Variants in HIVEP1 observed in about 807,000 individuals in gnomAD.
HIVEP1 encodes HIVEP zinc finger 1, also known as zinc finger protein 40.
Under a neutral mutation model 180.0 loss-of-function variants are expected in HIVEP1, and 36 were observed. The observed-to-expected ratio is 0.20, with a 90% CI of 0.15 to 0.26. The LOEUF is 0.26. Ranked by LOEUF, HIVEP1 falls within the 10% of genes least tolerant of loss-of-function variation. The probability of loss-of-function intolerance (pLI) is 1.00; values close to 1 mark genes in which losing one functional copy is unlikely to be tolerated. For missense variants in HIVEP1, 3,143 were observed against 3,268.7 expected, an observed-to-expected ratio of 0.96 and a Z score of 0.94; for synonymous variants, 1,239 against 1,239.0, an observed-to-expected ratio of 1.00 and a Z score of 0.00.
chr6:12,069,794 A>G (rs62395293), intron 2 of HIVEP1, among the ~76,000 whole-genome samples: 27,266 of 151,938 alleles, frequency 0.18, 2,782 homozygotes, highest in African/African-American at 0.28. Flanking sequence ...CTGTAACTTT[A>G]TAACCTTTTA....
At chr6:12,053,640 C>T (rs1770674915) in intron 2 of HIVEP1, among the ~76,000 whole-genome samples, 1 of 151,866 alleles carries the variant, frequency 6.6e-6, no homozygotes, top group African/African-American at 2.4e-5. Flanking sequence ...TTGACTGAAA[C>T]CAAAGTGGAG....
At chr6:12,042,237 G>A (rs556234795) in intron 2 of HIVEP1, among the ~76,000 whole-genome samples, 11 of 149,958 alleles carry the variant, frequency 7.3e-5, no homozygotes, top group Non-Finnish European at 1.5e-4. Flanking sequence ...CCGCCACCGC[G>A]CCTGGCTAAT....
the HIVEP1 span, among the ~76,000 whole-genome samples, chr6:12,196,653 C>T: frequency 2.6e-5 from 4 of 152,258 alleles, no homozygotes; most frequent in East Asian, 3.9e-4. Context: ...TCATCATTTG[C>T]GACCCCAGTT....
At chr6:12,112,569 G>T (rs374713928) in intron 3 of HIVEP1, among the ~76,000 whole-genome samples, 1 of 151,602 alleles carries the variant, frequency 6.6e-6, no homozygotes, top group Non-Finnish European at 1.5e-5. Flanking sequence ...TTTTCCTGCC[G>T]GTTCCTTGTG....
chr6:12,161,823 C>T lies in HIVEP1; in HGVS notation c.6872C>T (p.Ser2291Phe). ...AARDENDTIPSVDTSRSPCHQ... is the reference protein window; with the variant it reads ...AARDENDTIPFVDTSRSPCHQ... ...AGAGATGAAAACGACACAATTCCGTCTGTAGACACTTCCAGGTCCCCGTGT... is the reference window on the plus strand; with the variant it reads ...AGAGATGAAAACGACACAATTCCGTTTGTAGACACTTCCAGGTCCCCGTGT... The change falls in exon 8 of 9, where the codon TCT becomes TTT. Residue 2291 changes from serine (S) to phenylalanine (F), a missense_variant. Coordinates refer to ENST00000379388, the MANE Select transcript of HIVEP1 (RefSeq NM_002114.4). 1.2e-6 allele frequency: 2 copies of T among 1,614,184 alleles called. No individual in the cohort carries two copies. Among genetic ancestry groups the T allele is most frequent in the Non-Finnish European group, 1.7e-6 (2 of 1,180,024 alleles).
At chr6:12,096,573 T>C (rs1296337214) in intron 3 of HIVEP1, among the ~76,000 whole-genome samples, 1 of 151,748 alleles carries the variant, frequency 6.6e-6, no homozygotes, top group Non-Finnish European at 1.5e-5. Flanking sequence ...AATATAATAA[T>C]ATTTTTGAAG....
chr6:12,161,362 C>T (rs1000603044), intron 7 of HIVEP1, 77 bp from the exon 8 acceptor site: 11 of 1,381,746 alleles, frequency 8.0e-6, no homozygotes, highest in African/African-American at 4.3e-5. Context: ...AGTTGCCAAA[C>T]GTATAAAAAA....
At chr6:12,166,327 ATTTTC>A (rs1436907580), downstream of HIVEP1, among the ~76,000 whole-genome samples, 2 of 152,110 alleles carry the variant, frequency 1.3e-5, no homozygotes, top group South Asian at 2.1e-4. Context: ...TTTCTATAGA[ATTTTC>A]TTAATTTAAA....
upstream of HIVEP1, chr6:12,008,391 G>C (rs1228449042): frequency 2.6e-5 from 4 of 152,188 alleles, no homozygotes; most frequent in Non-Finnish European, 5.9e-5. Flanking sequence ...TTTGTGCTAC[G>C]GGTGGAGGGA....
At chr6:12,184,480 G>A in the HIVEP1 span, among the ~76,000 whole-genome samples, 1 of 152,122 alleles carries the variant, frequency 6.6e-6, no homozygotes, top group Admixed American at 6.5e-5. Flanking sequence ...ATTTTGATCT[G>A]TATTTATTGC....
upstream of HIVEP1, among the ~76,000 whole-genome samples, chr6:12,009,195 G>A (rs1312825477): frequency 1.4e-5 from 2 of 147,176 alleles, no homozygotes; most frequent in Non-Finnish European, 3.0e-5. Flanking sequence ...GGCCGCGCCA[G>A]GGGGGTGCCT....
chr6:12,143,826 C>G (rs530242839), intron 7 of HIVEP1, among the ~76,000 whole-genome samples: 1 of 152,138 alleles, frequency 6.6e-6, no homozygotes, highest in Non-Finnish European at 1.5e-5. Context: ...ATCCAACTTA[C>G]AAGGGATGTG....
At position 12,012,386 on chromosome 6, in the gene HIVEP1, G is replaced by C. The variant is rs1300998028; in HGVS notation, c.-284G>C. On this transcript the variant is annotated 5_prime_UTR_variant, in exon 1 of 9. Coordinates refer to ENST00000379388, the MANE Select transcript of HIVEP1 (RefSeq NM_002114.4). Reference sequence around the variant, plus strand: ...CGGACGGAGCGGGGGACCGGGGAGCGGCGGCCGCCGGAGGAGGTTATGTTT... The same window carrying C: ...CGGACGGAGCGGGGGACCGGGGAGCCGCGGCCGCCGGAGGAGGTTATGTTT... The C allele has an allele frequency of 6.7e-6, 1 of 149,600 alleles. No individual in the cohort carries two copies. The highest frequency in any genetic ancestry group is 2.4e-5 in the African/African-American group (1 of 41,118). 9.3% of individuals were successfully genotyped at this position (149,600 alleles called of 1,614,324 possible). A position where few individuals can be genotyped will look rare whatever the true frequency, so the allele number is the denominator to read the frequency against.
At chr6:12,165,090 C>T, downstream of HIVEP1, 1 of 506,832 alleles carries the variant, frequency 2.0e-6, no homozygotes, top group Non-Finnish European at 3.9e-6. Flanking sequence ...TTCCACATTC[C>T]CCTCAACCCT....
At chr6:12,206,129 G>C in the HIVEP1 span, among the ~76,000 whole-genome samples, 4 of 151,912 alleles carry the variant, frequency 2.6e-5, no homozygotes, top group African/African-American at 9.7e-5. Context: ...ATTTATTTTT[G>C]TTTTTGTTTT....
intron 2 of HIVEP1, among the ~76,000 whole-genome samples, chr6:12,082,443 C>T (rs1581647845): frequency 6.6e-6 from 1 of 152,224 alleles, no homozygotes; most frequent in Non-Finnish European, 1.5e-5. Context: ...CTTTCATAGT[C>T]TCAGGATAGA....
chr6:12,163,623 C>T lies in HIVEP1; in HGVS notation c.7319C>T (p.Thr2440Ile), dbSNP rs749710745. ...AGTGTCGTTCACAGAACTTTGGGTA[C>T]TCATAGGAATACGGTCACAGAAGTG... is the stretch of plus-strand genomic sequence containing the variant. ...AVSVVHRTLG[T>I]HRNTVTEVSG... The change falls in exon 9 of 9, where the codon ACT becomes ATT. Residue 2440 changes from threonine (T) to isoleucine (I), a missense_variant. Transcript: ENST00000379388. 6.2e-6 allele frequency: 10 copies of T among 1,614,020 alleles called. No homozygotes were observed. The East Asian group carries it at 2.0e-4, about 32-fold the overall frequency.
At chr6:12,130,745 T>G (rs1758372324) in intron 5 of HIVEP1, 22 bp from the exon 6 acceptor site, 1 of 1,421,206 alleles carries the variant, frequency 7.0e-7, no homozygotes, top group South Asian at 1.3e-5. Context: ...ATCTCCCTAT[T>G]CATTTTTTTT....
rs924788036 is a variant in HIVEP1, at chr6:12,028,537, G to A, written c.40+12869G>A. On this transcript the variant is annotated intron_variant, in intron 2 of 8. Coordinates refer to ENST00000379388, the MANE Select transcript of HIVEP1 (RefSeq NM_002114.4). ...TGTTTTGATGGAATTAATGCCATAC[G>A]TGTGATGAGTTATATATTCAGCATT... is the stretch of plus-strand genomic sequence containing the variant. Among the ~76,000 whole-genome samples, 17 of 152,174 alleles carry A rather than the reference G, an allele frequency of 1.1e-4. 1 individual carries two copies. The highest frequency in any genetic ancestry group is 3.6e-4 in the African/African-American group (15 of 41,418).
Sources: gnomAD v4.1 joint callset for allele counts (sites outside exome capture counted in the v4.1 genomes callset) on GRCh38, gnomAD v4.1.1 for gene constraint, MANE v1.5 for transcripts, NCBI Gene and HGNC (gene_info 2026-07-23, HGNC 2026-07-21) for gene names.